AGAP1: variants seen among roughly 807,000 people sequenced by gnomAD.
AGAP1 encodes the protein arf-GAP with GTPase, ANK repeat and PH domain-containing protein 1.
Under a neutral mutation model 105.3 loss-of-function variants are expected in AGAP1, and 29 were observed. The observed-to-expected ratio is 0.28, with a 90% CI of 0.21 to 0.38. AGAP1 has a LOEUF of 0.38. Ranked by LOEUF, AGAP1 falls within the 10% of genes least tolerant of loss-of-function variation. The pLI is 1.00. For synonymous variants in AGAP1, 509 were observed against 485.9 expected (o/e 1.05, Z -0.63); for missense variants, 998 against 1,165.1 (o/e 0.86, Z 2.09).
intron 1 of AGAP1, among the ~76,000 whole-genome samples, chr2:235,686,665 ATTTTT>A (rs1200927776): frequency 1.3e-5 from 1 of 77,492 alleles, no homozygotes; most frequent in African/African-American, 6.5e-5. Flanking sequence ...ATATATATAT[ATTTTT>A]TTTTTTTTTT....
rs557586781 is a variant in AGAP1 at position 236,005,125 on chromosome 2, T to G, written c.1646-31436T>G. On this transcript the variant is annotated intron_variant, in intron 13 of 17. Transcript: ENST00000304032. This position sits in a 1 kb window ranked among gnomAD's most constrained non-coding sequence, Gnocchi z 4.1. ...CCCCCTGACAAGTTTCCCATGTTTT[T>G]TGTGTGTGTGTGTGTTTTGGTTTTT... 5.5e-4 allele frequency among the ~76,000 whole-genome samples: 82 copies of G among 150,036 alleles called. No homozygotes were observed. Among genetic ancestry groups the G allele is most frequent in the African/African-American group, 1.3e-3 (51 of 39,792 alleles).
chr2:235,698,969 T>A (rs1328755108), intron 1 of AGAP1, among the ~76,000 whole-genome samples: 1 of 151,910 alleles, frequency 6.6e-6, no homozygotes, highest in Non-Finnish European at 1.5e-5. Flanking sequence ...GTCTGGAGAT[T>A]AGAGAGGAGA....
Position 236,058,774 on chromosome 2 carries a change from C to G in AGAP1, c.2114+9493C>G, listed in dbSNP as rs917643891. ...CATCCAGATTTGAAAAGAAGTAAAA[C>G]TACCTCCATTTCCAGATGACATAAT... On this transcript the variant is annotated intron_variant, in intron 16 of 17. Transcript: ENST00000304032. This position sits in a 1 kb window ranked among gnomAD's most constrained non-coding sequence, Gnocchi z 4.6. 6.6e-6 allele frequency among the ~76,000 whole-genome samples: 1 copy of G among 152,196 alleles called. No individual in the cohort carries two copies. The highest frequency in any genetic ancestry group is 6.5e-5 in the Admixed American group (1 of 15,276).
In AGAP1 at chr2:236,040,643, C is replaced by A. The variant is rs577943113; in HGVS notation, c.1801-108C>A. 17 of 841,112 alleles carry A rather than the reference C, an allele frequency of 2.0e-5. No individual in the cohort carries two copies. In the South Asian group the frequency reaches 2.7e-4, roughly 14 times the overall value. 52.1% of individuals were successfully genotyped at this position (841,112 alleles called of 1,614,324 possible). On this transcript the variant is annotated intron_variant, in intron 14 of 17. Coordinates refer to ENST00000304032, the MANE Select transcript of AGAP1 (RefSeq NM_001037131.3). The surrounding 1 kb of genome is among the most constrained non-coding windows in gnomAD (Gnocchi z 5.6). Reference sequence around the variant, plus strand: ...AGAGTGATTGTTTAGAAATTACCCTCGTCCTACATTTGCTCCCAATCTGTT... The same window carrying A: ...AGAGTGATTGTTTAGAAATTACCCTAGTCCTACATTTGCTCCCAATCTGTT...
chr2:235,864,771 C>A lies in AGAP1; in HGVS notation c.1051-18574C>A, dbSNP rs1446540547. 7.0e-6 allele frequency among the ~76,000 whole-genome samples: 1 copy of A among 141,952 alleles called. No homozygotes were observed. The highest frequency in any genetic ancestry group is 1.5e-5 in the Non-Finnish European group (1 of 67,900). 93.1% of individuals were successfully genotyped at this position (141,952 alleles called of 152,430 possible). On this transcript the variant is annotated intron_variant, in intron 9 of 17. Coordinates refer to ENST00000304032, the MANE Select transcript of AGAP1 (RefSeq NM_001037131.3). The surrounding 1 kb of genome is among the most constrained non-coding windows in gnomAD (Gnocchi z 5.0). Reference sequence around the variant, plus strand: ...TTTTTCTTAGTTTCCTTTTCCTTTTCTTTTCTTTCCTTTGGATGGAGGAGG... The same window carrying A: ...TTTTTCTTAGTTTCCTTTTCCTTTTATTTTCTTTCCTTTGGATGGAGGAGG...
At chr2:235,590,119 G>T (rs2149209595) in intron 1 of AGAP1, among the ~76,000 whole-genome samples, 1 of 152,250 alleles carries the variant, frequency 6.6e-6, no homozygotes, top group Admixed American at 6.5e-5. Context: ...GACTTCAAGT[G>T]ATCTGCCCGC....
chr2:235,512,413 A>G lies in AGAP1; in HGVS notation c.163+17564A>G, dbSNP rs541413721. Among the ~76,000 whole-genome samples, 10 of 152,250 alleles carry G rather than the reference A, an allele frequency of 6.6e-5. No individual in the cohort carries two copies. The South Asian group carries it at 2.1e-3, about 32-fold the overall frequency. On this transcript the variant is annotated intron_variant, in intron 1 of 17. Coordinates refer to ENST00000304032, the MANE Select transcript of AGAP1 (RefSeq NM_001037131.3). ...GGAGTTCAAGACCAGCCTGGGTAAC[A>G]TAGGGAGACCCCCATCTCTACGAAA... is the stretch of plus-strand genomic sequence containing the variant.
In AGAP1 at chr2:235,964,381, A is replaced by G. The variant is rs1000022082; in HGVS notation, c.1484-4081A>G. ...ACTAGGGTTGAGCTCTCTGAGGGCA[A>G]AGACAGTCACAGTGACCATTGTTTC... On this transcript the variant is annotated intron_variant, in intron 12 of 17. Transcript: ENST00000304032. The surrounding 1 kb of genome is among the most constrained non-coding windows in gnomAD (Gnocchi z 4.6). 6.6e-6 allele frequency among the ~76,000 whole-genome samples: 1 copy of G among 152,148 alleles called. No individual in the cohort carries two copies. The highest frequency in any genetic ancestry group is 2.4e-5 in the African/African-American group (1 of 41,434).
rs907790554 is a variant in AGAP1, at chr2:235,872,033, G to A, written c.1051-11312G>A. Among the ~76,000 whole-genome samples the A allele has an allele frequency of 2.6e-5, 4 of 152,158 alleles. No individual in the cohort carries two copies. The highest frequency in any genetic ancestry group is 6.5e-5 in the Admixed American group (1 of 15,276). ...CCTTATCCATGAAATGAGAATCGTC[G>A]TGGATATCAGTTGTGATTGCAGTTG... is the stretch of plus-strand genomic sequence containing the variant. On this transcript the variant is annotated intron_variant, in intron 9 of 17. Coordinates refer to ENST00000304032, the MANE Select transcript of AGAP1 (RefSeq NM_001037131.3). The surrounding 1 kb of genome is among the most constrained non-coding windows in gnomAD (Gnocchi z 4.5).
At chr2:235,942,712 C>T (rs1373521471) in intron 12 of AGAP1, among the ~76,000 whole-genome samples, 2 of 151,728 alleles carry the variant, frequency 1.3e-5, no homozygotes, top group Non-Finnish European at 2.9e-5. Context: ...TCCTAGCATA[C>T]AGAAGTCTAA....
intron 9 of AGAP1, among the ~76,000 whole-genome samples, chr2:235,828,866 A>G (rs532045898): frequency 2.0e-5 from 3 of 152,310 alleles, no homozygotes; most frequent in Non-Finnish European, 2.9e-5. Context: ...TGAACGTGCA[A>G]TGGATGCTCC....
intron 1 of AGAP1, among the ~76,000 whole-genome samples, chr2:235,505,574 A>G (rs1941764146): frequency 6.6e-6 from 1 of 152,130 alleles, no homozygotes; most frequent in African/African-American, 2.4e-5. Flanking sequence ...AGCTGGGAGA[A>G]CAGGCAGATG....
rs948476455 is a variant in AGAP1 at position 235,635,867 on chromosome 2, C to T, written c.164-73312C>T. Reference sequence around the variant, plus strand: ...CAGTGACTCATGCCTGTAATCCCAGCACTTTGGGAGGCTGAGGCAGGTGGA... The same window carrying T: ...CAGTGACTCATGCCTGTAATCCCAGTACTTTGGGAGGCTGAGGCAGGTGGA... On this transcript the variant is annotated intron_variant, in intron 1 of 17. Coordinates refer to ENST00000304032, the MANE Select transcript of AGAP1 (RefSeq NM_001037131.3). This position sits in a 1 kb window ranked among gnomAD's most constrained non-coding sequence, Gnocchi z 5.3. Among the ~76,000 whole-genome samples, 1 of 152,096 alleles carries T rather than the reference C, an allele frequency of 6.6e-6. No individual in the cohort carries two copies. Among genetic ancestry groups the T allele is most frequent in the Non-Finnish European group, 1.5e-5 (1 of 68,038 alleles).
At chr2:235,554,413 C>T (rs1281928826) in intron 1 of AGAP1, among the ~76,000 whole-genome samples, 2 of 152,204 alleles carry the variant, frequency 1.3e-5, no homozygotes, top group South Asian at 2.1e-4. Flanking sequence ...CACCTGTGCC[C>T]GGGCATTGAT....
intron 1 of AGAP1, among the ~76,000 whole-genome samples, chr2:235,572,729 A>G (rs1944570489): frequency 1.3e-5 from 2 of 152,170 alleles, no homozygotes; most frequent in Admixed American, 6.5e-5. Flanking sequence ...CTGCCCTTAG[A>G]GTCTTCCTGC....
intron 1 of AGAP1, among the ~76,000 whole-genome samples, chr2:235,590,601 A>T (rs527393725): frequency 6.7e-6 from 1 of 150,114 alleles, no homozygotes; most frequent in South Asian, 2.1e-4. Context: ...AGATAACAGA[A>T]CCTGCCAGGA....
chr2:235,670,927 C>T (rs1044195358), intron 1 of AGAP1: 63 of 1,325,148 alleles, frequency 4.8e-5, no homozygotes, highest in Non-Finnish European at 5.4e-5. Flanking sequence ...CGCGCAGGGA[C>T]GGGGGCCCGG....
In AGAP1 at chr2:235,787,051, ATACT is replaced by A. The variant is rs1465166764; in HGVS notation, c.674-10705_674-10702del. ...ACACCAGCTCCTGCCACTCTGACAC[ATACT>A]TAGGCAGTGCTCAGAGTCGAGCTGG... On this transcript the variant is annotated intron_variant, in intron 6 of 17. Coordinates refer to ENST00000304032, the MANE Select transcript of AGAP1 (RefSeq NM_001037131.3). The surrounding 1 kb of genome is among the most constrained non-coding windows in gnomAD (Gnocchi z 4.4). Among the ~76,000 whole-genome samples the A allele has an allele frequency of 6.6e-6, 1 of 152,210 alleles. No homozygotes were observed. Among genetic ancestry groups the A allele is most frequent in the Non-Finnish European group, 1.5e-5 (1 of 68,042 alleles).
chr2:235,856,051 C>T (rs1326263969), intron 9 of AGAP1, among the ~76,000 whole-genome samples: 1 of 152,058 alleles, frequency 6.6e-6, no homozygotes, highest in Non-Finnish European at 1.5e-5. Context: ...GTAGCTGGAA[C>T]TGCAAGCATC....
Sources: gnomAD v4.1 joint callset for allele counts (sites outside exome capture counted in the v4.1 genomes callset) on GRCh38, gnomAD v4.1.1 for gene constraint, Gnocchi (gnomAD v3.1) non-coding constraint, MANE v1.5 for transcripts, NCBI Gene and HGNC (gene_info 2026-07-23, HGNC 2026-07-21) for gene names.